TNC: variants seen among roughly 807,000 people sequenced by gnomAD.
TNC encodes tenascin C.
TNC carries 109 observed loss-of-function variants against 202.4 expected under a neutral mutation model. That is an observed-to-expected ratio of 0.54 (90% CI 0.46 to 0.63). The LOEUF is 0.63. TNC is among the 30% of genes least tolerant of loss of function. The probability of loss-of-function intolerance (pLI) is 0.00; values close to 1 mark genes in which losing one functional copy is unlikely to be tolerated. For synonymous variants in TNC, 1,007 were observed against 1,089.7 expected (o/e 0.92, Z 1.50); for missense variants, 2,756 against 2,833.3 (o/e 0.97, Z 0.62).
chr9:115,115,660 G>A (rs1158659653), intron 1 of TNC, among the ~76,000 whole-genome samples: 1 of 152,086 alleles, frequency 6.6e-6, no homozygotes, highest in Non-Finnish European at 1.5e-5. Context: ...TTGTGGACTT[G>A]CTCTTACTTC....
intron 26 of TNC, among the ~76,000 whole-genome samples, chr9:115,026,149 C>G (rs116317942): frequency 0.013 from 1,904 of 152,226 alleles, 41 homozygotes; most frequent in African/African-American, 0.044. Flanking sequence ...TTCACAAGAT[C>G]GCCAGTGGGT....
At chr9:115,066,681 A>G (rs1056570489) in intron 10 of TNC, among the ~76,000 whole-genome samples, 1 of 152,232 alleles carries the variant, frequency 6.6e-6, no homozygotes, top group Non-Finnish European at 1.5e-5. Flanking sequence ...GGTAGTCAGC[A>G]AGCTAACAAC....
Position 115,021,096 on chromosome 9 carries a change from T to C in TNC, c.*61A>G. 4 of 1,393,960 alleles carry C rather than the reference T, an allele frequency of 2.9e-6. No homozygotes were observed. The highest frequency in any genetic ancestry group is 4.1e-6 in the Non-Finnish European group (4 of 986,726). The allele number at this position is 1,393,960 out of a possible 1,614,324, so 86.3% of individuals were successfully genotyped here. On this transcript the variant is annotated 3_prime_UTR_variant, in exon 28 of 28. Coordinates refer to ENST00000350763, the MANE Select transcript of TNC (RefSeq NM_002160.4). The stretch of plus-strand genomic sequence containing the variant: ...TGGTTGGGCTGGTTGTATTGATGCT[T>C]TGGTAAAATCCTTTCCTCGCTCTGG...
intron 6 of TNC, among the ~76,000 whole-genome samples, chr9:115,079,284 A>T (rs1002283503): frequency 1.3e-5 from 2 of 151,862 alleles, no homozygotes. Flanking sequence ...AACAAGTGAC[A>T]GGAAGTGGGC....
In TNC at chr9:115,046,570, T is replaced by A. The variant is rs1831209897; in HGVS notation, c.4965A>T (p.Arg1655Ser). The A allele has an allele frequency of 6.2e-7, 1 of 1,613,968 alleles. No homozygotes were observed. The highest frequency in any genetic ancestry group is 1.7e-5 in the Admixed American group (1 of 59,990). Reference protein sequence around the residue: ...GVFDNFVLKIRDTKKQSEPLE... With the variant: ...GVFDNFVLKISDTKKQSEPLE... ...GTGGCTCAGACTGCTTTTTGGTATC[T>A]CTGATTTTGAGAACAAAATTGTCGA... The change falls in exon 17 of 28, where the codon AGA becomes AGT. Residue 1655 changes from arginine to serine, a missense_variant. Coordinates refer to ENST00000350763, the MANE Select transcript of TNC (RefSeq NM_002160.4).
At chr9:115,046,323 C>T in intron 17 of TNC, 87 bp downstream of exon 17, 1 of 1,482,394 alleles carries the variant, frequency 6.7e-7, no homozygotes, top group East Asian at 2.3e-5. Context: ...CTGCCTGCAT[C>T]CAAAGCTCCT....
chr9:115,097,216 C>T (rs1770264373), intron 1 of TNC, among the ~76,000 whole-genome samples: 1 of 152,194 alleles, frequency 6.6e-6, no homozygotes, highest in South Asian at 2.1e-4. Flanking sequence ...TCCCTTTCTC[C>T]TCTGAACCTC....
At chr9:115,034,428 C>T (rs973466952) in intron 22 of TNC, among the ~76,000 whole-genome samples, 9 of 152,176 alleles carry the variant, frequency 5.9e-5, no homozygotes, top group Admixed American at 1.3e-4. Flanking sequence ...GTGGATGTCT[C>T]CAACATGAAA....
intron 25 of TNC, among the ~76,000 whole-genome samples, chr9:115,029,150 C>G (rs1406386164): frequency 6.6e-6 from 1 of 150,920 alleles, no homozygotes; most frequent in Non-Finnish European, 1.5e-5. Flanking sequence ...TGATTGAGAT[C>G]TGTCTCAGAT....
chr9:115,065,477 G>A (rs1415377642), intron 10 of TNC, among the ~76,000 whole-genome samples: 2 of 152,202 alleles, frequency 1.3e-5, no homozygotes, highest in Non-Finnish European at 2.9e-5. Flanking sequence ...CTATTGATCA[G>A]TGTCCTGCAG....
intron 10 of TNC, 46 bp downstream of exon 10, chr9:115,073,557 C>T: frequency 6.3e-7 from 1 of 1,587,806 alleles, no homozygotes; most frequent in Non-Finnish European, 8.6e-7. Flanking sequence ...GATCTGCTAA[C>T]CTCAGAATCA....
chr9:115,025,269 T>G (rs1829391296), intron 26 of TNC, among the ~76,000 whole-genome samples: 1 of 152,202 alleles, frequency 6.6e-6, no homozygotes, highest in Non-Finnish European at 1.5e-5. Flanking sequence ...GGTAATAAAA[T>G]GCCAACATTC....
At position 115,087,186 on chromosome 9, in the gene TNC, C is replaced by A. The variant is rs758115039; in HGVS notation, c.545G>T (p.Gly182Val). Residue 182 changes from glycine to valine, a missense_variant, in exon 3 of 28, where the codon GGC becomes GTC. Gly to Val is a moderately radical substitution (Grantham distance 109). This residue lies in a region of TNC where 2,559 missense variants were observed against 2,546.0 expected (regional missense o/e 1.01). Transcript: ENST00000350763. ...ACATTCGGGCTCAGAGCAGTTGGGGCCTTTCCAGCCAGGTTCGCAGACACA... is the reference window on the plus strand; with the variant it reads ...ACATTCGGGCTCAGAGCAGTTGGGGACTTTCCAGCCAGGTTCGCAGACACA... ...CGCVCEPGWK[G>V]PNCSEPECPG... is the part of the protein sequence containing the mutation. 4 of 1,614,236 alleles carry A rather than the reference C, an allele frequency of 2.5e-6. No individual in the cohort carries two copies. The highest frequency in any genetic ancestry group is 3.4e-6 in the Non-Finnish European group (4 of 1,180,054).
At chr9:115,027,724 C>T (rs1829623184) in intron 25 of TNC, among the ~76,000 whole-genome samples, 1 of 152,052 alleles carries the variant, frequency 6.6e-6, no homozygotes, top group African/African-American at 2.4e-5. Context: ...GAACAATGTT[C>T]TCTGCAGTTA....
chr9:115,084,368 G>A lies in TNC; in HGVS notation c.1972C>T (p.Pro658Ser), dbSNP rs1346957159. The A allele has an allele frequency of 6.2e-7, 1 of 1,614,192 alleles. No homozygotes were observed. Among genetic ancestry groups the A allele is most frequent in the Non-Finnish European group, 8.5e-7 (1 of 1,180,042 alleles). ...RVTEYLVVYT[P>S]THEGGLEMQF... The stretch of plus-strand genomic sequence containing the variant: ...ATTTCCAGACCACCCTCGTGGGTGG[G>A]CGTGTACACGACAAGGTACTCTGTG... Residue 658 changes from proline to serine, a missense_variant, in exon 4 of 28, where the codon CCC becomes TCC. By Grantham distance (74) the Pro-to-Ser change is moderately conservative (BLOSUM62 -1). Around this residue, in one of 2 missense-constraint regions of TNC, gnomAD observed 2,559 missense variants for 2,546.0 expected, o/e 1.01. Transcript: ENST00000350763.
chr9:115,026,967 GGT>G (rs1829542082), intron 25 of TNC, among the ~76,000 whole-genome samples: 1 of 151,916 alleles, frequency 6.6e-6, no homozygotes, highest in African/African-American at 2.4e-5. Flanking sequence ...AAATTAGCTG[GGT>G]GTGGTGGTGG....
At chr9:115,112,682 T>G (rs1478522979) in intron 1 of TNC, 1 of 152,286 alleles carries the variant, frequency 6.6e-6, no homozygotes, top group Non-Finnish European at 1.5e-5. Context: ...GTCCTGGGCA[T>G]CTCCTTTGGG....
Position 115,057,228 on chromosome 9 carries a change from T to TA in TNC, c.4503dup (p.Thr1502TyrfsTer2). 1 of 1,614,130 alleles carries TA rather than the reference T, an allele frequency of 6.2e-7. No individual in the cohort carries two copies. The highest frequency in any genetic ancestry group is 8.5e-7 in the Non-Finnish European group (1 of 1,180,016). Reference sequence around the variant, plus strand: ...CCAGAGAGGTAGACAATAAAATCAGTACTAGGGGGTAGCCCTGAGATATGG... The same window carrying TA: ...CCAGAGAGGTAGACAATAAAATCAGTAACTAGGGGGTAGCCCTGAGATATGG... On this transcript the variant is annotated frameshift_variant, in exon 15 of 28. Coordinates refer to ENST00000350763, the MANE Select transcript of TNC (RefSeq NM_002160.4). LOFTEE classifies it high-confidence loss of function.
chr9:115,065,688 G>A (rs894018627), intron 10 of TNC, among the ~76,000 whole-genome samples: 3 of 151,954 alleles, frequency 2.0e-5, no homozygotes, highest in Admixed American at 1.3e-4. Context: ...GATCATATGA[G>A]GTCAGCAGTT....
Sources: gnomAD v4.1 joint callset for allele counts (sites outside exome capture counted in the v4.1 genomes callset) on GRCh38, gnomAD v4.1.1 for gene constraint, gnomAD v4.1.1 regional missense constraint, MANE v1.5 for transcripts, NCBI Gene and HGNC (gene_info 2026-07-23, HGNC 2026-07-21) for gene names.